Variants in TTC6 observed in about 807,000 individuals in gnomAD.
The protein encoded by TTC6 is tetratricopeptide repeat protein 6.
In TTC6, 172 loss-of-function variants were observed where a neutral mutation model predicts 210.4. The observed-to-expected ratio is 0.82, with a 90% confidence interval of 0.72 to 0.93. TTC6 has a LOEUF of 0.93. TTC6 is among the 40% of genes least tolerant of loss of function. The probability of loss-of-function intolerance (pLI) is 0.00; values close to 1 mark genes in which losing one functional copy is unlikely to be tolerated. For synonymous variants in TTC6, 804 were observed against 819.6 expected (o/e 0.98, Z 0.32); for missense variants, 2,414 against 2,318.1 (o/e 1.04, Z -0.85).
chr14:37,609,839 T>G (rs574208641), intron 2 of TTC6, among the ~76,000 whole-genome samples: 15 of 152,276 alleles, frequency 9.9e-5, no homozygotes, highest in African/African-American at 3.4e-4. Context: ...CAGGGAAAAG[T>G]AATTTACTCC....
chr14:37,758,521 TG>T (rs1443514271), intron 14 of TTC6, among the ~76,000 whole-genome samples: 2 of 152,230 alleles, frequency 1.3e-5, no homozygotes, highest in East Asian at 1.9e-4. Flanking sequence ...TGCTTTTTTT[TG>T]CTTTCCATTT....
At chr14:37,655,351 G>A (rs1366306645) in intron 1 of TTC6, among the ~76,000 whole-genome samples, 2 of 152,120 alleles carry the variant, frequency 1.3e-5, no homozygotes, top group South Asian at 2.1e-4. Context: ...TCTATTTTTA[G>A]TTTAACTTTC....
intron 3 of TTC6, among the ~76,000 whole-genome samples, chr14:37,692,294 C>G (rs914186267): frequency 6.8e-6 from 1 of 146,860 alleles, no homozygotes; most frequent in Non-Finnish European, 1.5e-5. Context: ...GAAAAATTCT[C>G]AACAAAGTAT....
intron 1 of TTC6, among the ~76,000 whole-genome samples, chr14:37,627,812 T>C (rs1487828029): frequency 1.3e-5 from 2 of 152,214 alleles, no homozygotes; most frequent in Non-Finnish European, 2.9e-5. Flanking sequence ...ATATACCCAG[T>C]AATGGGATCG....
At chr14:37,599,238 CT>C (rs2095610638) in intron 1 of TTC6, among the ~76,000 whole-genome samples, 1 of 152,216 alleles carries the variant, frequency 6.6e-6, no homozygotes, top group Non-Finnish European at 1.5e-5. Context: ...CGCTGCCTTC[CT>C]TTTATTTTTC....
chr14:37,722,893 C>T (rs1044492553), intron 6 of TTC6, among the ~76,000 whole-genome samples: 1 of 152,050 alleles, frequency 6.6e-6, no homozygotes, highest in African/African-American at 2.4e-5. Flanking sequence ...GGGTTATGCT[C>T]CACCTCTTTG....
chr14:37,791,249 C>A (rs530960492), intron 16 of TTC6, among the ~76,000 whole-genome samples: 7 of 152,162 alleles, frequency 4.6e-5, no homozygotes, highest in African/African-American at 1.7e-4. Context: ...CAATGGAAGG[C>A]AGCCTTCTAT....
chr14:37,678,957 G>A (rs1566882314), intron 1 of TTC6, among the ~76,000 whole-genome samples: 1 of 152,118 alleles, frequency 6.6e-6, no homozygotes, highest in South Asian at 2.1e-4. Context: ...AGTGTCTCAT[G>A]CCTGTGTAAT....
chr14:37,714,867 T>C, intron 6 of TTC6, 71 bp downstream of exon 8: 1 of 1,397,592 alleles, frequency 7.2e-7, no homozygotes, highest in Non-Finnish European at 9.6e-7. Flanking sequence ...TCAGGAGACT[T>C]TTTTCACTCT....
chr14:37,804,808 A>T, exon 21 of TTC6: 1 of 1,613,654 alleles, frequency 6.2e-7, no homozygotes, highest in Admixed American at 1.7e-5. Flanking sequence ...AAGGCAATTT[A>T]CAAATGGTAT....
At position 37,627,693 on chromosome 14, in the gene TTC6, C is replaced by A. The variant is rs570211915; in HGVS notation, c.939+4690C>A. Among the ~76,000 whole-genome samples the A allele has an allele frequency of 1.3e-4, 20 of 152,268 alleles. No homozygotes were observed. The East Asian group carries it at 3.9e-3, about 29-fold the overall frequency. On this transcript the variant is annotated intron_variant, in intron 1 of 30. Transcript: ENST00000553443. Reference sequence around the variant, plus strand: ...GTATATGTGCCACATTTTCTTTATCCAGTCTATCACTGACGGGCATTAGGG... The same window carrying A: ...GTATATGTGCCACATTTTCTTTATCAAGTCTATCACTGACGGGCATTAGGG...
chr14:37,806,367 G>T, exon 22 of TTC6: 1 of 1,534,926 alleles, frequency 6.5e-7, no homozygotes, highest in Non-Finnish European at 8.7e-7. Flanking sequence ...GTAGGCTTTT[G>T]ATTCTTTTAC....
At position 37,807,415 on chromosome 14, in the gene TTC6, C is replaced by T. The variant is rs564795743; in HGVS notation, c.4410C>T (p.Ser1470=). ...AGGCTATTAAAATTTACCCTGAAAG[C>T]GTACGTGCCTATCTCTACAGAGGAG... Residue 1470 remains serine (S), a synonymous_variant, in exon 23 of 31, where the codon AGC becomes AGT. Coordinates refer to ENST00000553443, the Ensembl canonical transcript of TTC6. 4.7e-5 allele frequency: 72 copies of T among 1,529,896 alleles called. No homozygotes were observed. In the East Asian group the frequency reaches 1.2e-3, roughly 25 times the overall value. 94.8% of individuals were successfully genotyped at this position (1,529,896 alleles called of 1,614,324 possible).
intron 14 of TTC6, among the ~76,000 whole-genome samples, chr14:37,785,493 C>A (rs893225305): frequency 6.6e-6 from 1 of 152,148 alleles, no homozygotes; most frequent in African/African-American, 2.4e-5. Flanking sequence ...CTTCTCTATG[C>A]TGTTTATTCT....
intron 10 of TTC6, among the ~76,000 whole-genome samples, chr14:37,742,794 C>T (rs1321252926): frequency 6.6e-6 from 1 of 152,138 alleles, no homozygotes; most frequent in Non-Finnish European, 1.5e-5. Flanking sequence ...GGAGCAAGAA[C>T]TCTGGATCAG....
Position 37,735,962 on chromosome 14 carries a change from TA to T in TTC6, c.1864del (p.Ser622AlafsTer39). On this transcript the variant is annotated frameshift_variant, in exon 8 of 31. Transcript: ENST00000553443. LOFTEE classifies it high-confidence loss of function. ...GACTTTTAACTGATAAATTGTCATA[TA>T]AAAGCAGTGTCATTACTTTACATCA... is the stretch of plus-strand genomic sequence containing the variant. 1 of 1,534,690 alleles carries T rather than the reference TA, an allele frequency of 6.5e-7. No individual in the cohort carries two copies. The highest frequency in any genetic ancestry group is 1.7e-4 in the Middle Eastern group (1 of 5,978).
intron 29 of TTC6, among the ~76,000 whole-genome samples, chr14:37,838,049 A>G (rs2096201935): frequency 6.6e-6 from 1 of 152,224 alleles, no homozygotes; most frequent in African/African-American, 2.4e-5. Flanking sequence ...AATAGAAGCC[A>G]GATTGTGTTT....
chr14:37,811,237 C>G (rs34550574), intron 24 of TTC6, among the ~76,000 whole-genome samples: 1 of 152,036 alleles, frequency 6.6e-6, no homozygotes, highest in Non-Finnish European at 1.5e-5. Flanking sequence ...CATAATGTGA[C>G]TTAGTAAAAG....
chr14:37,632,078 G>A (rs1462802201), intron 1 of TTC6, among the ~76,000 whole-genome samples: 6 of 152,068 alleles, frequency 3.9e-5, no homozygotes, highest in Admixed American at 3.9e-4. Context: ...TTAGCTTGGA[G>A]GAGTTTGTTA....
Sources: allele counts gnomAD v4.1 joint callset (sites outside exome capture counted in the v4.1 genomes callset), GRCh38; gene constraint gnomAD v4.1.1; transcripts MANE v1.5; gene names NCBI Gene and HGNC (gene_info 2026-07-23, HGNC 2026-07-21).